The following FER variants were observed in gnomAD, a reference collection of about 807,000 sequenced individuals.
The protein encoded by FER is FER tyrosine kinase.
Under a neutral mutation model 111.0 loss-of-function variants are expected in FER, and 63 were observed. That is an observed-to-expected ratio of 0.57 (90% CI 0.46 to 0.70). FER has a LOEUF of 0.70. Among genes scored for constraint, FER ranks in the 30% least tolerant of loss-of-function variants. FER has a pLI of 0.00. For synonymous variants in FER, 327 were observed against 313.9 expected (o/e 1.04, Z -0.44); for missense variants, 914 against 954.0 (o/e 0.96, Z 0.55).
intron 8 of FER, among the ~76,000 whole-genome samples, chr5:108,873,071 T>G (rs143862317): frequency 0.011 from 1,730 of 152,200 alleles, 34 homozygotes; most frequent in African/African-American, 0.04. Context: ...GTGGTACGGG[T>G]AATTAGCTAA....
At chr5:109,166,995 AT>A (rs1212593909) in intron 17 of FER, among the ~76,000 whole-genome samples, 1 of 152,130 alleles carries the variant, frequency 6.6e-6, no homozygotes, top group Non-Finnish European at 1.5e-5. Context: ...TTACGGCTTC[AT>A]TTTTCATATC....
chr5:109,022,515 A>G (rs1768067795), intron 13 of FER, among the ~76,000 whole-genome samples: 1 of 152,140 alleles, frequency 6.6e-6, no homozygotes, highest in Admixed American at 6.6e-5. Flanking sequence ...TATTTGTCAA[A>G]GTAATGGAAA....
chr5:108,857,715 C>G (rs887579664), intron 5 of FER, among the ~76,000 whole-genome samples: 5 of 151,976 alleles, frequency 3.3e-5, no homozygotes, highest in African/African-American at 9.7e-5. Context: ...GCTTTCCCCT[C>G]CTGTTTATTT....
intron 17 of FER, among the ~76,000 whole-genome samples, chr5:109,152,228 A>G (rs769276341): frequency 3.9e-5 from 6 of 152,050 alleles, no homozygotes; most frequent in African/African-American, 7.2e-5. Context: ...AAAATCTGCT[A>G]TATCATCAGC....
intron 1 of FER, among the ~76,000 whole-genome samples, chr5:108,751,018 C>G (rs542943690): frequency 2.3e-3 from 344 of 152,100 alleles, no homozygotes; most frequent in Non-Finnish European, 3.7e-3. Flanking sequence ...AATGGAGAAA[C>G]ATGGTCTCTA....
chr5:108,779,157 C>T (rs575243432), intron 2 of FER, among the ~76,000 whole-genome samples: 55 of 152,128 alleles, frequency 3.6e-4, no homozygotes, highest in African/African-American at 1.2e-3. Flanking sequence ...TCTGTTCTAT[C>T]GGTCTATTTG....
chr5:109,068,081 A>G (rs1280593651), intron 16 of FER, among the ~76,000 whole-genome samples: 1 of 152,096 alleles, frequency 6.6e-6, no homozygotes, highest in African/African-American at 2.4e-5. Flanking sequence ...ATTGTATTCC[A>G]GAATACTCGA....
intron 3 of FER, among the ~76,000 whole-genome samples, chr5:108,802,812 G>T (rs1329644173): frequency 6.6e-6 from 1 of 152,002 alleles, no homozygotes; most frequent in Non-Finnish European, 1.5e-5. Context: ...AACAGAAACA[G>T]GTGTCTGTTT....
chr5:108,784,915 A>C (rs1018337051), intron 2 of FER: 1 of 169,184 alleles, frequency 5.9e-6, no homozygotes, highest in African/African-American at 2.4e-5. Context: ...CATGGGAGTC[A>C]TGGCCATCAT....
rs916482073 is a variant in FER, at chr5:108,927,346, C to T, written c.1237-18784C>T. The stretch of plus-strand genomic sequence containing the variant: ...CGCAATCTTGGCTCACTGCAAGCTC[C>T]GCTTCCCGGGTTCACGCCATTGTTC... On this transcript the variant is annotated intron_variant, in intron 10 of 19. Transcript: ENST00000281092. Among the ~76,000 whole-genome samples the T allele has an allele frequency of 1.9e-4, 28 of 145,806 alleles. 1 individual carries two copies. Among genetic ancestry groups the T allele is most frequent in the African/African-American group, 6.6e-4 (25 of 38,070 alleles).
chr5:109,144,190 T>C (rs1198998245), intron 17 of FER, among the ~76,000 whole-genome samples: 8 of 152,148 alleles, frequency 5.3e-5, no homozygotes, highest in African/African-American at 1.9e-4. Flanking sequence ...TTATCCTTCA[T>C]ATTCTTCCTC....
chr5:109,164,658 A>G (rs1269198948), intron 17 of FER, among the ~76,000 whole-genome samples: 1 of 152,102 alleles, frequency 6.6e-6, no homozygotes, highest in Non-Finnish European at 1.5e-5. Flanking sequence ...TCCACCTTTT[A>G]GAAATATGGT....
At chr5:109,011,166 TATA>T (rs1391841979) in intron 13 of FER, among the ~76,000 whole-genome samples, 3 of 152,196 alleles carry the variant, frequency 2.0e-5, no homozygotes, top group Non-Finnish European at 4.4e-5. Flanking sequence ...TTTCAAATTA[TATA>T]ATCAGCTTCT....
At chr5:108,949,534 T>C (rs977034179) in intron 11 of FER, among the ~76,000 whole-genome samples, 1 of 152,144 alleles carries the variant, frequency 6.6e-6, no homozygotes, top group Non-Finnish European at 1.5e-5. Flanking sequence ...AAAGGACTTA[T>C]TGAGATTGAT....
chr5:108,822,626 A>G (rs756701126), intron 3 of FER, among the ~76,000 whole-genome samples: 8 of 152,146 alleles, frequency 5.3e-5, no homozygotes, highest in Non-Finnish European at 1.2e-4. Flanking sequence ...AGCCACCCAC[A>G]TAGTAGCAGC....
rs1759316932 is a variant in FER, at chr5:109,190,727, A to G, written c.*3152A>G. On this transcript the variant is annotated 3_prime_UTR_variant, in exon 20 of 20. Transcript: ENST00000281092. The stretch of plus-strand genomic sequence containing the variant: ...TGAGAGGTCTCCAGTGAAAGGTCTC[A>G]TGTAATTGTTTCTCTTTTATCTCCC... 6.6e-6 allele frequency: 1 copy of G among 152,136 alleles called. No individual in the cohort carries two copies. Among genetic ancestry groups the G allele is most frequent in the Non-Finnish European group, 1.5e-5 (1 of 67,978 alleles). 9.4% of individuals were successfully genotyped at this position (152,136 alleles called of 1,614,324 possible). A position where few individuals can be genotyped will look rare whatever the true frequency, so the allele number is the denominator to read the frequency against.
At chr5:108,972,300 G>A (rs560565908) in intron 13 of FER, among the ~76,000 whole-genome samples, 1 of 151,982 alleles carries the variant, frequency 6.6e-6, no homozygotes, top group East Asian at 1.9e-4. Context: ...GTACCTTCTC[G>A]GCCTCTGTCT....
chr5:109,134,100 A>G (rs1752643089), intron 17 of FER, among the ~76,000 whole-genome samples: 1 of 152,148 alleles, frequency 6.6e-6, no homozygotes, highest in African/African-American at 2.4e-5. Context: ...TTGAAAGGAT[A>G]AAAGAATGTT....
chr5:108,831,013 A>G (rs1328667179), intron 3 of FER, among the ~76,000 whole-genome samples: 1 of 152,156 alleles, frequency 6.6e-6, no homozygotes, highest in East Asian at 1.9e-4. Context: ...CAGAGTGGCA[A>G]TATATGCTTT....
Sources: gnomAD v4.1 joint callset for allele counts (sites outside exome capture counted in the v4.1 genomes callset) on GRCh38, gnomAD v4.1.1 for gene constraint, MANE v1.5 for transcripts, NCBI Gene and HGNC (gene_info 2026-07-23, HGNC 2026-07-21) for gene names.